The following MCTP1 variants were observed in gnomAD, a reference collection of about 807,000 sequenced individuals.
MCTP1 encodes multiple C2 and transmembrane domain containing 1, also known as multiple C2 and transmembrane domain-containing protein 1.
In MCTP1, 69 loss-of-function variants were observed where a neutral mutation model predicts 120.6. The ratio of observed to expected loss-of-function variants is 0.57; its 90% confidence interval spans 0.47 to 0.70. The LOEUF (loss-of-function observed/expected upper bound fraction) is 0.70. Among genes scored for constraint, MCTP1 ranks in the 30% least tolerant of loss-of-function variants. The pLI, the probability that MCTP1 is intolerant of heterozygous loss-of-function variation, is 0.00. For missense variants in MCTP1, 1,203 were observed against 1,248.8 expected (o/e 0.96, Z 0.55); for synonymous variants, 529 against 493.1 (o/e 1.07, Z -0.96).
chr5:95,004,932 G>A (rs1351768665), intron 2 of MCTP1, among the ~76,000 whole-genome samples: 1 of 152,128 alleles, frequency 6.6e-6, no homozygotes, highest in African/African-American at 2.4e-5. Context: ...CAGAAAGGTA[G>A]ACCTATCAAC....
chr5:95,064,950 C>T (rs1418647161), intron 1 of MCTP1, among the ~76,000 whole-genome samples: 1 of 152,168 alleles, frequency 6.6e-6, no homozygotes, highest in Non-Finnish European at 1.5e-5. Flanking sequence ...CCACCCTGAT[C>T]CAACTGATCT....
chr5:95,262,584 A>T (rs1449420844), intron 1 of MCTP1, among the ~76,000 whole-genome samples: 3 of 152,232 alleles, frequency 2.0e-5, no homozygotes, highest in Non-Finnish European at 4.4e-5. Flanking sequence ...TTAGAAATCA[A>T]GTTAGAATAT....
At chr5:94,985,474 G>A (rs169822) in intron 2 of MCTP1, among the ~76,000 whole-genome samples, 33,906 of 152,006 alleles carry the variant, frequency 0.22, 4,069 homozygotes, top group East Asian at 0.38. Context: ...AGGCCTTGTC[G>A]AAAGAACTGG....
chr5:94,924,494 T>C (rs888705514), intron 6 of MCTP1, among the ~76,000 whole-genome samples: 1 of 152,132 alleles, frequency 6.6e-6, no homozygotes, highest in Non-Finnish European at 1.5e-5. Context: ...AATTTTATAA[T>C]ACAATTAACA....
intron 1 of MCTP1, among the ~76,000 whole-genome samples, chr5:95,166,925 T>A (rs1440278433): frequency 6.6e-6 from 1 of 151,800 alleles, no homozygotes; most frequent in Non-Finnish European, 1.5e-5. Flanking sequence ...TTCTTTTTTT[T>A]TTTTTTTGTA....
At chr5:94,904,283 A>C (rs1231007972) in intron 10 of MCTP1, among the ~76,000 whole-genome samples, 2 of 152,192 alleles carry the variant, frequency 1.3e-5, no homozygotes, top group African/African-American at 4.8e-5. Flanking sequence ...TTTGAGCCTC[A>C]GATCAATCAC....
At position 94,708,674 on chromosome 5, in the gene MCTP1, C is replaced by G. The variant is rs115655876; in HGVS notation, c.2831-65G>C. The G allele has an allele frequency of 2.9e-3, 2,971 of 1,038,732 alleles. 67 individuals are homozygous for G. In the African/African-American group the frequency reaches 0.043, roughly 15 times the overall value. The allele number at this position is 1,038,732 out of a possible 1,614,324, so 64.3% of individuals were successfully genotyped here. On this transcript the variant is annotated intron_variant, in intron 21 of 22. Coordinates refer to ENST00000515393, the MANE Select transcript of MCTP1 (RefSeq NM_024717.7). ...AAAAGTGTTGTAGTAATTTGAAGATCTAACTTGTATGCCTTGACTCAATGA... is the reference window on the plus strand; with the variant it reads ...AAAAGTGTTGTAGTAATTTGAAGATGTAACTTGTATGCCTTGACTCAATGA...
At chr5:95,067,631 A>C (rs1053357687) in intron 1 of MCTP1, among the ~76,000 whole-genome samples, 5 of 152,078 alleles carry the variant, frequency 3.3e-5, no homozygotes, top group African/African-American at 1.2e-4. Context: ...TTTTAAATAT[A>C]TATTTTGTTA....
rs1052693948 is a variant in MCTP1 at position 95,036,658 on chromosome 5, T to C, written c.721-19174A>G. 3.3e-5 allele frequency among the ~76,000 whole-genome samples: 5 copies of C among 152,340 alleles called. No individual in the cohort carries two copies. In the East Asian group the frequency reaches 5.8e-4, roughly 18 times the overall value. On this transcript the variant is annotated intron_variant, in intron 1 of 22. Coordinates refer to ENST00000515393, the MANE Select transcript of MCTP1 (RefSeq NM_024717.7). Reference sequence around the variant, plus strand: ...GGAATATTTTAGTGTTTCTATCACATATCAACTTTTTAAATGTCATATCAA... The same window carrying C: ...GGAATATTTTAGTGTTTCTATCACACATCAACTTTTTAAATGTCATATCAA...
intron 1 of MCTP1, among the ~76,000 whole-genome samples, chr5:95,036,888 A>T (rs915642597): frequency 1.8e-4 from 26 of 143,340 alleles, no homozygotes; most frequent in African/African-American, 6.5e-4. Flanking sequence ...AGGTTACCCT[A>T]CCCTTATCCA....
At chr5:94,872,539 A>G (rs1798019049) in intron 13 of MCTP1, among the ~76,000 whole-genome samples, 1 of 152,026 alleles carries the variant, frequency 6.6e-6, no homozygotes, top group Non-Finnish European at 1.5e-5. Context: ...TTCAGAGTTC[A>G]TTTCAAAAGC....
chr5:95,172,333 C>T (rs2152499058), intron 1 of MCTP1, among the ~76,000 whole-genome samples: 1 of 152,322 alleles, frequency 6.6e-6, no homozygotes, highest in South Asian at 2.1e-4. Flanking sequence ...GGATGCCTCC[C>T]AGTTAGGCTA....
intron 19 of MCTP1, among the ~76,000 whole-genome samples, chr5:94,717,094 A>T (rs1417098006): frequency 1.3e-5 from 2 of 152,184 alleles, no homozygotes; most frequent in African/African-American, 4.8e-5. Context: ...TGAGATAGAT[A>T]GCCAAAATCT....
chr5:95,235,182 T>C (rs10058143), intron 1 of MCTP1, among the ~76,000 whole-genome samples: 22,897 of 151,866 alleles, frequency 0.15, 1,880 homozygotes, highest in Non-Finnish European at 0.19. Context: ...ATCAATGTAA[T>C]TCACTATATC....
At chr5:95,222,844 G>A (rs1027086209) in intron 1 of MCTP1, among the ~76,000 whole-genome samples, 1 of 152,196 alleles carries the variant, frequency 6.6e-6, no homozygotes, top group Admixed American at 6.5e-5. Flanking sequence ...CATAGACTGT[G>A]CTTCATATAT....
At chr5:94,844,353 C>T (rs993693957) in intron 17 of MCTP1, among the ~76,000 whole-genome samples, 19 of 150,144 alleles carry the variant, frequency 1.3e-4, no homozygotes, top group Admixed American at 4.0e-4. Flanking sequence ...AAGGCAGCCA[C>T]CCTCCTCTTA....
At chr5:95,203,868 C>T (rs993794731) in intron 1 of MCTP1, among the ~76,000 whole-genome samples, 1 of 152,220 alleles carries the variant, frequency 6.6e-6, no homozygotes. Flanking sequence ...AACTCACATT[C>T]TCTTCCTAAT....
At chr5:95,233,502 TGTATTTTTA>T (rs1448485511) in intron 1 of MCTP1, among the ~76,000 whole-genome samples, 4 of 152,122 alleles carry the variant, frequency 2.6e-5, no homozygotes, top group African/African-American at 9.7e-5. Context: ...CTAATTTTTT[TGTATTTTTA>T]GTAGAGACGG....
chr5:94,762,697 G>A (rs745783907), intron 19 of MCTP1, among the ~76,000 whole-genome samples: 4 of 152,190 alleles, frequency 2.6e-5, no homozygotes, highest in Non-Finnish European at 5.9e-5. Flanking sequence ...CTCTGGGAAG[G>A]AAAATTAATT....
Sources: allele counts gnomAD v4.1 joint callset (sites outside exome capture counted in the v4.1 genomes callset), GRCh38; gene constraint gnomAD v4.1.1; transcripts MANE v1.5; gene names NCBI Gene and HGNC (gene_info 2026-07-23, HGNC 2026-07-21).